The following GRIK4 variants were observed in gnomAD, a reference collection of about 807,000 sequenced individuals.
The protein encoded by GRIK4 is glutamate receptor ionotropic, kainate 4.
In GRIK4, 40 loss-of-function variants were observed where a neutral mutation model predicts 104.9. The ratio of observed to expected loss-of-function variants is 0.38; its 90% CI spans 0.30 to 0.50. GRIK4 has a LOEUF of 0.50. GRIK4 is among the 20% of genes least tolerant of loss of function. The pLI, the probability that GRIK4 is intolerant of heterozygous loss-of-function variation, is 0.93. For synonymous variants in GRIK4, 485 were observed against 524.9 expected (o/e 0.92, Z 1.04); for missense variants, 1,047 against 1,308.1 (o/e 0.80, Z 3.08).
intron 1 of GRIK4, among the ~76,000 whole-genome samples, chr11:120,603,571 C>G (rs770141937): frequency 9.9e-5 from 15 of 152,194 alleles, no homozygotes; most frequent in Non-Finnish European, 2.1e-4. Flanking sequence ...TTATTTAAAT[C>G]AGTCTCATTT....
chr11:120,589,073 C>T (rs1278516464), intron 1 of GRIK4, among the ~76,000 whole-genome samples: 1 of 152,180 alleles, frequency 6.6e-6, no homozygotes, highest in Non-Finnish European at 1.5e-5. Flanking sequence ...CAGGATGGAA[C>T]TACCTTCTCT....
chr11:120,970,605 A>G (rs778176101), intron 19 of GRIK4, among the ~76,000 whole-genome samples: 6 of 151,534 alleles, frequency 4.0e-5, no homozygotes, highest in Non-Finnish European at 8.8e-5. Context: ...TCTCCTGCTC[A>G]TTCTTGTGGA....
intron 13 of GRIK4, among the ~76,000 whole-genome samples, chr11:120,923,404 ATTTTTTTTTTTTTT>A (rs775194642): frequency 5.3e-4 from 43 of 81,652 alleles, no homozygotes; most frequent in African/African-American, 1.9e-3. Flanking sequence ...CCATTTGCTC[ATTTTTTTTTTTTTT>A]TTTTTTTTTT....
intron 3 of GRIK4, among the ~76,000 whole-genome samples, chr11:120,679,434 C>A (rs755131844): frequency 1.3e-5 from 2 of 152,230 alleles, no homozygotes; most frequent in Admixed American, 6.5e-5. Context: ...CTGTTCTTTT[C>A]CCCAGTGTTT....
chr11:120,816,145 G>A (rs1242621853), intron 5 of GRIK4, among the ~76,000 whole-genome samples: 1 of 152,074 alleles, frequency 6.6e-6, no homozygotes, highest in Non-Finnish European at 1.5e-5. Context: ...AAGTTTCAGA[G>A]TGACTGCCCC....
At chr11:120,568,226 T>G (rs986948170) in intron 1 of GRIK4, among the ~76,000 whole-genome samples, 2 of 152,068 alleles carry the variant, frequency 1.3e-5, no homozygotes, top group African/African-American at 4.8e-5. Context: ...CAGCAAAGAC[T>G]CACAACCTCT....
Position 120,905,539 on chromosome 11 carries a change from G to GGGGGGTGGC in GRIK4, c.1476+46_1476+47insGGGGGTGGC. On this transcript the variant is annotated intron_variant, in intron 13 of 20. Coordinates refer to ENST00000527524, the MANE Select transcript of GRIK4 (RefSeq NM_014619.5). The surrounding 1 kb of genome is among the most constrained non-coding windows in gnomAD (Gnocchi z 5.1). ...CTGGGCCTGAGGGTGGGCTGGGAGG[G>GGGGGGTGGC]ATTGGAAGAGCATGAGGTTGTGCTG... The GGGGGGTGGC allele has an allele frequency of 2.0e-6, 1 of 503,048 alleles. No individual in the cohort carries two copies. Among genetic ancestry groups the GGGGGGTGGC allele is most frequent in the East Asian group, 5.7e-5 (1 of 17,672 alleles). 31.2% of individuals were successfully genotyped at this position (503,048 alleles called of 1,614,324 possible).
intron 3 of GRIK4, among the ~76,000 whole-genome samples, chr11:120,789,720 C>G (rs867069351): frequency 2.6e-5 from 4 of 152,030 alleles, no homozygotes; most frequent in Non-Finnish European, 4.4e-5. Flanking sequence ...ATCTGCCTTC[C>G]CTGCCAGGTG....
intron 13 of GRIK4, among the ~76,000 whole-genome samples, chr11:120,915,517 C>T (rs1943087459): frequency 6.6e-6 from 1 of 152,116 alleles, no homozygotes; most frequent in African/African-American, 2.4e-5. Flanking sequence ...GCGCACACCC[C>T]AGAAGATTGC....
At chr11:120,685,963 A>T (rs1671067758) in intron 3 of GRIK4, among the ~76,000 whole-genome samples, 1 of 152,158 alleles carries the variant, frequency 6.6e-6, no homozygotes, top group Non-Finnish European at 1.5e-5. Context: ...AGCTGTGCGC[A>T]GAGTTCAACA....
intron 13 of GRIK4, among the ~76,000 whole-genome samples, chr11:120,923,146 G>T (rs968673468): frequency 3.3e-5 from 5 of 152,294 alleles, no homozygotes; most frequent in African/African-American, 9.6e-5. Flanking sequence ...GGTGTGGCCG[G>T]TAAGTCCAGC....
intron 11 of GRIK4, among the ~76,000 whole-genome samples, chr11:120,879,009 G>A (rs1174493979): frequency 6.6e-6 from 1 of 152,156 alleles, no homozygotes; most frequent in African/African-American, 2.4e-5. Flanking sequence ...TGCGCACTTT[G>A]CACAAATCAC....
intron 1 of GRIK4, among the ~76,000 whole-genome samples, chr11:120,515,878 C>T (rs1440770003): frequency 6.6e-6 from 1 of 152,150 alleles, no homozygotes; most frequent in African/African-American, 2.4e-5. Context: ...GTATTGACTG[C>T]GTACTCCGTT....
chr11:120,960,345 G>A (rs952486167), intron 16 of GRIK4, among the ~76,000 whole-genome samples: 1 of 152,138 alleles, frequency 6.6e-6, no homozygotes, highest in African/African-American at 2.4e-5. Context: ...AACAAAGAAT[G>A]TATCACTGTG....
chr11:120,848,082 T>G (rs1292026827), intron 8 of GRIK4, among the ~76,000 whole-genome samples: 1 of 152,182 alleles, frequency 6.6e-6, no homozygotes, highest in Admixed American at 6.5e-5. Context: ...TTCCTGACCC[T>G]GGAAGCCTTC....
At chr11:120,744,873 T>C (rs1951413282) in intron 3 of GRIK4, among the ~76,000 whole-genome samples, 1 of 152,162 alleles carries the variant, frequency 6.6e-6, no homozygotes, top group African/African-American at 2.4e-5. Context: ...TATATCAAAA[T>C]GTGAGGTTTC....
At chr11:120,861,212 G>A (rs1318770758) in intron 8 of GRIK4, among the ~76,000 whole-genome samples, 3 of 145,996 alleles carry the variant, frequency 2.1e-5, no homozygotes, top group Non-Finnish European at 4.5e-5. Flanking sequence ...GGGTTCAAGC[G>A]ATTCTCCTGC....
At chr11:120,728,665 G>A (rs1308468746) in intron 3 of GRIK4, among the ~76,000 whole-genome samples, 1 of 152,116 alleles carries the variant, frequency 6.6e-6, no homozygotes, top group Non-Finnish European at 1.5e-5. Flanking sequence ...TGAGGTACAT[G>A]AGATACTTTG....
intron 1 of GRIK4, among the ~76,000 whole-genome samples, chr11:120,537,538 C>G (rs982764905): frequency 3.3e-5 from 5 of 152,146 alleles, no homozygotes; most frequent in Admixed American, 2.0e-4. Context: ...GGAGTCCTAC[C>G]TGGATGCCCA....
Sources: allele counts gnomAD v4.1 joint callset (sites outside exome capture counted in the v4.1 genomes callset), GRCh38; gene constraint gnomAD v4.1.1; non-coding constraint Gnocchi (gnomAD v3.1); transcripts MANE v1.5; gene names NCBI Gene and HGNC (gene_info 2026-07-23, HGNC 2026-07-21).